Variants in GOLGA7B observed in about 807,000 individuals in gnomAD.
The protein encoded by GOLGA7B is golgin A7 family member B.
Under a neutral mutation model 21.5 loss-of-function variants are expected in GOLGA7B, and 17 were observed. That is an observed-to-expected ratio of 0.79 (90% CI 0.54 to 1.19). The LOEUF (loss-of-function observed/expected upper bound fraction) is 1.19, where lower values mean the gene tolerates loss of function less well. Among genes scored for constraint, GOLGA7B ranks in the 50% most tolerant of loss-of-function variants. The pLI, the probability that GOLGA7B is intolerant of heterozygous loss-of-function variation, is 0.00. For missense variants in GOLGA7B, 169 were observed against 224.4 expected (o/e 0.75, Z 1.58); for synonymous variants, 87 against 84.0 (o/e 1.04, Z -0.19).
At position 97,869,949 on chromosome 10, in the gene GOLGA7B, C is replaced by T. The variant is rs1326158443; in HGVS notation, c.*4249C>T. 2 of 152,268 alleles carry T rather than the reference C, an allele frequency of 1.3e-5. No homozygotes were observed. Among genetic ancestry groups the T allele is most frequent in the East Asian group, 3.9e-4 (2 of 5,184 alleles). 9.4% of individuals were successfully genotyped at this position (152,268 alleles called of 1,614,324 possible). A position where few individuals can be genotyped will look rare whatever the true frequency, so the allele number is the denominator to read the frequency against. On this transcript the variant is annotated 3_prime_UTR_variant, in exon 5 of 5. Transcript: ENST00000370602. Reference sequence around the variant, plus strand: ...TCACCCAGGGATAAGGCAAGGCAAACACCACTCCACATCAGATCTGAATTT... The same window carrying T: ...TCACCCAGGGATAAGGCAAGGCAAATACCACTCCACATCAGATCTGAATTT...
chr10:97,856,734 CTATGCCAGCATCTGTTGTTTTTTTAA>C (rs2136514218), intron 1 of GOLGA7B, among the ~76,000 whole-genome samples: 1 of 152,300 alleles, frequency 6.6e-6, no homozygotes, highest in South Asian at 2.1e-4. Flanking sequence ...TTCTCTGCAT[CTATGCCAGCATCTGTTGTTTTTTTAA>C]TAATAGCTAT....
chr10:97,853,819 T>C (rs924203283), intron 1 of GOLGA7B, among the ~76,000 whole-genome samples: 2 of 152,178 alleles, frequency 1.3e-5, no homozygotes, highest in Non-Finnish European at 2.9e-5. Flanking sequence ...CCACCAGCTT[T>C]CTGAAAACTT....
chr10:97,858,837 C>T (rs981511565), intron 1 of GOLGA7B, among the ~76,000 whole-genome samples: 2 of 152,250 alleles, frequency 1.3e-5, no homozygotes, highest in Non-Finnish European at 2.9e-5. Context: ...AGGTATTCCT[C>T]TGTCCCACAT....
chr10:97,859,278 C>A (rs1358997904), intron 1 of GOLGA7B, among the ~76,000 whole-genome samples, 180 bp from the exon 2 acceptor site: 5 of 152,204 alleles, frequency 3.3e-5, no homozygotes, highest in Non-Finnish European at 7.3e-5. Flanking sequence ...TTGGGTAGAC[C>A]CCACAGCCCT....
chr10:97,859,483 G>A lies in GOLGA7B; in HGVS notation c.38G>A (p.Arg13Gln), dbSNP rs761671560. 18 of 1,614,098 alleles carry A rather than the reference G, an allele frequency of 1.1e-5. No homozygotes were observed. In the South Asian group the frequency reaches 1.8e-4, roughly 16 times the overall value. ...GTCCACAATCTGCAGGAGCTCCGGC[G>A]AAGTGCCTCACTGGCCACCAAGGTC... The part of the protein sequence containing the change: ...TEVHNLQELR[R>Q]SASLATKVFI... The change falls in exon 2 of 5, where the codon CGA (arginine) becomes CAA (glutamine). Residue 13 changes from arginine (R) to glutamine (Q), a missense_variant. Arg to Gln is a conservative substitution (Grantham distance 43). Coordinates refer to ENST00000370602, the MANE Select transcript of GOLGA7B (RefSeq NM_001010917.3).
rs1415075518 is a variant in GOLGA7B at position 97,865,658 on chromosome 10, T to C, written c.462T>C (p.Ser154=). The C allele has an allele frequency of 8.1e-6, 13 of 1,610,440 alleles. No homozygotes were observed. Among genetic ancestry groups the C allele is most frequent in the Admixed American group, 6.7e-5 (4 of 59,764 alleles). ...CCAGCAGCGGCAGCAGCAGCGGCAG[T>C]GGCAGCAGCAGCGGTGGGGGTGGTG... ...GSSSSGSSSG[S]GSSSGGGGGA... Residue 154 remains serine (S), a synonymous_variant, in exon 5 of 5, where the codon AGT becomes AGC. Transcript: ENST00000370602.
In GOLGA7B at chr10:97,869,620, G is replaced by C. The variant is rs2050069255; in HGVS notation, c.*3920G>C. On this transcript the variant is annotated 3_prime_UTR_variant, in exon 5 of 5. Transcript: ENST00000370602. ...AACCACAGGGTTTACAGAAGCTCGA[G>C]GTGCCACTGAGTGGCAGGATTATGC... 6.6e-6 allele frequency: 1 copy of C among 152,300 alleles called. No homozygotes were observed. The highest frequency in any genetic ancestry group is 2.4e-5 in the African/African-American group (1 of 41,474). 9.4% of individuals were successfully genotyped at this position (152,300 alleles called of 1,614,324 possible).
intron 1 of GOLGA7B, among the ~76,000 whole-genome samples, chr10:97,857,750 G>A (rs1026967094): frequency 1.3e-5 from 2 of 152,082 alleles, no homozygotes; most frequent in Non-Finnish European, 2.9e-5. Flanking sequence ...ATTATACTAC[G>A]AGGCTATAAT....
rs1402572608 is a variant in GOLGA7B at position 97,849,969 on chromosome 10, C to CCCG, written c.-320_-318dup. On this transcript the variant is annotated 5_prime_UTR_variant, in exon 1 of 5. Transcript: ENST00000370602. ...CCCTCCTCCCCCGGCCGCCCCCATC[C>CCCG]CCGCCGCCGCCGCCGCCAAAGCTAA... Among the ~76,000 whole-genome samples, 1 of 150,894 alleles carries CCCG rather than the reference C, an allele frequency of 6.6e-6. No homozygotes were observed. The highest frequency in any genetic ancestry group is 2.4e-5 in the African/African-American group (1 of 41,290).
At chr10:97,850,558 G>A (rs1465721446) in intron 1 of GOLGA7B, among the ~76,000 whole-genome samples, 1 of 152,144 alleles carries the variant, frequency 6.6e-6, no homozygotes, top group African/African-American at 2.4e-5. Flanking sequence ...TTAGCGCCAG[G>A]GTTGCTTCAG....
chr10:97,864,009 C>T lies in GOLGA7B; in HGVS notation c.218C>T (p.Ser73Phe). Residue 73 changes from serine to phenylalanine, a missense_variant, in exon 3 of 5, where the codon TCC (serine) becomes TTC (phenylalanine). By Grantham distance (155) the Ser-to-Phe change is radical. Coordinates refer to ENST00000370602, the MANE Select transcript of GOLGA7B (RefSeq NM_001010917.3). The part of the protein sequence containing the change: ...YAEAEKIGGS[S>F]YLEGCLACAT... ...GAGGCTGAGAAGATTGGGGGCAGCT[C>T]CTACCTCGAGGGCTGCCTGGCCTGC... The T allele has an allele frequency of 6.2e-7, 1 of 1,614,228 alleles. No individual in the cohort carries two copies. Among genetic ancestry groups the T allele is most frequent in the Non-Finnish European group, 8.5e-7 (1 of 1,180,036 alleles).
At chr10:97,861,443 G>A (rs1276339276) in intron 2 of GOLGA7B, among the ~76,000 whole-genome samples, 2 of 152,246 alleles carry the variant, frequency 1.3e-5, no homozygotes, top group African/African-American at 2.4e-5. Context: ...GCAAAGGGGA[G>A]AGCCAGATGC....
Position 97,859,775 on chromosome 10 carries a change from G to A in GOLGA7B, c.138+192G>A, listed in dbSNP as rs533915487. On this transcript the variant is annotated intron_variant, in intron 2 of 4. Coordinates refer to ENST00000370602, the MANE Select transcript of GOLGA7B (RefSeq NM_001010917.3). ...AATATTGTCTTACTGTCTCCTCATA[G>A]AAAATTAGAGCTGAAGGGATCTCAG... Among the ~76,000 whole-genome samples the A allele has an allele frequency of 2.0e-5, 3 of 152,332 alleles. No individual in the cohort carries two copies. The East Asian group carries it at 5.8e-4, about 29-fold the overall frequency.
rs1178699278 is a variant in GOLGA7B, at chr10:97,850,332, C to T, written c.12+17C>T. The T allele has an allele frequency of 7.3e-6, 11 of 1,513,246 alleles. No individual in the cohort carries two copies. Among genetic ancestry groups the T allele is most frequent in the Non-Finnish European group, 9.7e-6 (11 of 1,131,134 alleles). 93.7% of individuals were successfully genotyped at this position (1,513,246 alleles called of 1,614,324 possible). ...GCCACCGAGGTAGGGGCGAGCGCCC[C>T]ACCCGCAGGCAGTGCCCGATTGCCG... On this transcript the variant is annotated intron_variant, in intron 1 of 4. Transcript: ENST00000370602.
At position 97,866,467 on chromosome 10, in the gene GOLGA7B, A is replaced by C. The variant is rs901640766; in HGVS notation, c.*767A>C. 1 of 152,236 alleles carries C rather than the reference A, an allele frequency of 6.6e-6. No individual in the cohort carries two copies. Among genetic ancestry groups the C allele is most frequent in the Admixed American group, 6.5e-5 (1 of 15,286 alleles). The allele number at this position is 152,236 out of a possible 1,614,324, so 9.4% of individuals were successfully genotyped here. On this transcript the variant is annotated 3_prime_UTR_variant, in exon 5 of 5. Coordinates refer to ENST00000370602, the MANE Select transcript of GOLGA7B (RefSeq NM_001010917.3). ...AAGAGACATAGCCATGCGGGGCCTG[A>C]ATCTCCTGAACTACAGCCAGTTTCC... is the stretch of plus-strand genomic sequence containing the variant.
chr10:97,864,341 G>A (rs993564057), intron 4 of GOLGA7B, 72 bp downstream of exon 4: 40 of 1,339,812 alleles, frequency 3.0e-5, no homozygotes, highest in Non-Finnish European at 4.1e-5. Context: ...GAGGCTGCCA[G>A]GAAACGAGGC....
intron 1 of GOLGA7B, among the ~76,000 whole-genome samples, chr10:97,850,639 AC>A (rs962536724): frequency 6.6e-6 from 1 of 151,970 alleles, no homozygotes; most frequent in African/African-American, 2.4e-5. Context: ...AGGGTTGGAG[AC>A]GCGTGTGTGT....
Position 97,870,087 on chromosome 10 carries a change from C to T in GOLGA7B, c.*4387C>T, listed in dbSNP as rs184080977. The T allele has an allele frequency of 6.6e-6, 1 of 152,200 alleles. No homozygotes were observed. Among genetic ancestry groups the T allele is most frequent in the Non-Finnish European group, 1.5e-5 (1 of 68,034 alleles). The allele number at this position is 152,200 out of a possible 1,614,324, so 9.4% of individuals were successfully genotyped here. A position where few individuals can be genotyped will look rare whatever the true frequency, so the allele number is the denominator to read the frequency against. On this transcript the variant is annotated 3_prime_UTR_variant, in exon 5 of 5. Coordinates refer to ENST00000370602, the MANE Select transcript of GOLGA7B (RefSeq NM_001010917.3). ...AGTTGTTTAGACCCGAGGCGTTCAA[C>T]CTTGGTGGCAATGGATGTCAACTGG...
In GOLGA7B at chr10:97,870,940, AG is replaced by A. The variant is rs2050086718; in HGVS notation, c.*5244del. The A allele has an allele frequency of 6.6e-6, 1 of 152,240 alleles. No individual in the cohort carries two copies. The highest frequency in any genetic ancestry group is 2.4e-5 in the African/African-American group (1 of 41,454). 9.4% of individuals were successfully genotyped at this position (152,240 alleles called of 1,614,324 possible). A position where few individuals can be genotyped will look rare whatever the true frequency, so the allele number is the denominator to read the frequency against. On this transcript the variant is annotated 3_prime_UTR_variant, in exon 5 of 5. Transcript: ENST00000370602. ...TCTACAGCTTTCAGCAGATTCTCAA[AG>A]GGGTATGCAACCCCCTAAAAAGGTT...
Sources: gnomAD v4.1 joint callset for allele counts (sites outside exome capture counted in the v4.1 genomes callset) on GRCh38, gnomAD v4.1.1 for gene constraint, MANE v1.5 for transcripts, NCBI Gene and HGNC (gene_info 2026-07-23, HGNC 2026-07-21) for gene names.